CLCN4: variants seen among roughly 807,000 people sequenced by gnomAD.
CLCN4 encodes H(+)/Cl(-) exchange transporter 4.
Under a neutral mutation model 41.7 loss-of-function variants are expected in CLCN4, and 1 was observed. The ratio of observed to expected loss-of-function variants is 0.02; its 90% CI spans 0.01 to 0.11. CLCN4 has a LOEUF of 0.11. Ranked by LOEUF, CLCN4 falls within the 10% of genes least tolerant of loss-of-function variation. The pLI is 1.00. For synonymous variants in CLCN4, 277 were observed against 285.8 expected, an observed-to-expected ratio of 0.97 and a Z score of 0.31; for missense variants, 287 against 661.0, an observed-to-expected ratio of 0.43 and a Z score of 6.20.
In CLCN4 at chrX:10,206,614, C is replaced by G. The variant is rs756075206; in HGVS notation, c.762+50C>G. ...CAGCGAAACTTTCTTCTCAAAGCCC[C>G]CTCCTGCTGTCTGACTTGCAGGTTT... On this transcript the variant is annotated intron_variant, in intron 7 of 12. Coordinates refer to ENST00000380833, the MANE Select transcript of CLCN4 (RefSeq NM_001830.4). The G allele has an allele frequency of 3.9e-4, 467 of 1,190,810 alleles. 1 individual carries two copies. The highest frequency in any genetic ancestry group is 5.3e-4 in the Non-Finnish European group (463 of 877,596).
intron 12 of CLCN4, among the ~76,000 whole-genome samples, chrX:10,223,464 A>T (rs890440529): frequency 1.2e-4 from 13 of 111,678 alleles, no homozygotes; most frequent in Non-Finnish European, 3.8e-5. Flanking sequence ...ACAAACACAG[A>T]TGCTGCTGCG....
chrX:10,159,190 A>G (rs2147154483), intron 2 of CLCN4, among the ~76,000 whole-genome samples: 1 of 112,485 alleles, frequency 8.9e-6, no homozygotes, highest in African/African-American at 3.2e-5. Context: ...ATCCAATACA[A>G]TAAAAATAAA....
chrX:10,211,945 C>T (rs1420635571), intron 9 of CLCN4, among the ~76,000 whole-genome samples: 2 of 111,797 alleles, frequency 1.8e-5, no homozygotes. Flanking sequence ...TATTCAGCTA[C>T]CACCTACTAG....
intron 4 of CLCN4, among the ~76,000 whole-genome samples, chrX:10,193,615 G>A (rs1924023836): frequency 8.9e-6 from 1 of 111,870 alleles, no homozygotes; most frequent in Non-Finnish European, 1.9e-5. Flanking sequence ...TGGAACTGGG[G>A]TCAGCAAACT....
intron 2 of CLCN4, among the ~76,000 whole-genome samples, chrX:10,180,767 C>CAAAAAAAAAAAAAAA (rs869040200): frequency 2.4e-4 from 6 of 25,042 alleles, no homozygotes; most frequent in East Asian, 2.0e-3. Context: ...AACTCCATCT[C>CAAAAAAAAAAAAAAA]AAAAAAAAAA....
intron 2 of CLCN4, among the ~76,000 whole-genome samples, chrX:10,175,344 T>A (rs1923491279): frequency 9.0e-6 from 1 of 111,022 alleles, no homozygotes; most frequent in Non-Finnish European, 1.9e-5. Flanking sequence ...GAAGCATTCC[T>A]CATACAGGCT....
intron 11 of CLCN4, among the ~76,000 whole-genome samples, chrX:10,216,665 G>A (rs1924715051): frequency 9.3e-6 from 1 of 107,964 alleles, no homozygotes; most frequent in African/African-American, 3.4e-5. Context: ...TACTTTCAAT[G>A]GCAAGAACCG....
intron 6 of CLCN4, among the ~76,000 whole-genome samples, chrX:10,202,675 G>C (rs1397620016): frequency 2.2e-5 from 2 of 89,617 alleles, no homozygotes; most frequent in Admixed American, 1.3e-4. Flanking sequence ...AAAAAAGAGT[G>C]AATACTCAGC....
rs184969358 is a variant in CLCN4, at chrX:10,184,194, C to G, written c.-11-828C>G. On this transcript the variant is annotated intron_variant, in intron 2 of 12. Coordinates refer to ENST00000380833, the MANE Select transcript of CLCN4 (RefSeq NM_001830.4). ...TTTCATTTAAACCCTATTTGCCCCTCCAGCCCTGTCATTTGGACACCTTGC... is the reference window on the plus strand; with the variant it reads ...TTTCATTTAAACCCTATTTGCCCCTGCAGCCCTGTCATTTGGACACCTTGC... Among the ~76,000 whole-genome samples the G allele has an allele frequency of 7.6e-4, 86 of 112,486 alleles. 1 individual carries two copies. Among genetic ancestry groups the G allele is most frequent in the African/African-American group, 2.7e-3 (84 of 30,976 alleles).
Position 10,213,996 on chromosome X carries a change from A to G in CLCN4, c.1892A>G (p.Tyr631Cys). Reference protein sequence around the residue: ...DVETLIKETDYNGFPVVVSRD... With the variant: ...DVETLIKETDCNGFPVVVSRD... ...GAGACGCTCATCAAGGAGACCGACTACAACGGCTTCCCCGTGGTGGTCTCC... is the reference window on the plus strand; with the variant it reads ...GAGACGCTCATCAAGGAGACCGACTGCAACGGCTTCCCCGTGGTGGTCTCC... Residue 631 changes from tyrosine to cysteine, a missense_variant, in exon 11 of 13, where the codon TAC (tyrosine) becomes TGC (cysteine). Physicochemically the swap from Tyr to Cys is radical, Grantham distance 194. Coordinates refer to ENST00000380833, the MANE Select transcript of CLCN4 (RefSeq NM_001830.4). 1 of 1,210,571 alleles carries G rather than the reference A, an allele frequency of 8.3e-7. No homozygotes were observed.
intron 2 of CLCN4, among the ~76,000 whole-genome samples, chrX:10,160,294 T>G (rs1923058919): frequency 8.9e-6 from 1 of 111,887 alleles, no homozygotes; most frequent in Non-Finnish European, 1.9e-5. Context: ...TTTCTTAATA[T>G]CACATATATT....
At chrX:10,218,204 ACACT>A (rs1426509182) in intron 11 of CLCN4, among the ~76,000 whole-genome samples, 2 of 112,618 alleles carry the variant, frequency 1.8e-5, no homozygotes, top group African/African-American at 6.5e-5. Flanking sequence ...AAAGTAATAC[ACACT>A]CCAAATATTG....
In CLCN4 at chrX:10,212,696, T is replaced by C. The variant is rs188674115; in HGVS notation, c.1576+43T>C. 1.8e-5 allele frequency: 20 copies of C among 1,125,406 alleles called. No homozygotes were observed. In the East Asian group the frequency reaches 6.1e-4, roughly 35 times the overall value. 92.7% of individuals were successfully genotyped at this position (1,125,406 alleles called of 1,213,427 possible). A position where few individuals can be genotyped will look rare whatever the true frequency, so the allele number is the denominator to read the frequency against. On this transcript the variant is annotated intron_variant, in intron 10 of 12. Coordinates refer to ENST00000380833, the MANE Select transcript of CLCN4 (RefSeq NM_001830.4). ...GCAGGGAGGGGGACCGGGGAACTAA[T>C]CTGGCTTAGAGGACTGCCAAGAAGG...
rs906298438 is a variant in CLCN4, at chrX:10,233,992, G to A, written c.*408G>A. 6.8e-5 allele frequency: 8 copies of A among 117,293 alleles called. No individual in the cohort carries two copies. Among genetic ancestry groups the A allele is most frequent in the South Asian group, 3.6e-4 (1 of 2,790 alleles). 9.7% of individuals were successfully genotyped at this position (117,293 alleles called of 1,213,427 possible). ...TGAGTCCAAAAGACAAAGGGGCATC[G>A]GCATGTCAGCGTCCTTATTTATTGG... On this transcript the variant is annotated 3_prime_UTR_variant, in exon 13 of 13. Transcript: ENST00000380833.
chrX:10,194,765 T>C, intron 4 of CLCN4, 146 bp from the exon 5 acceptor site: 2 of 506,426 alleles, frequency 3.9e-6, no homozygotes, highest in Non-Finnish European at 6.7e-6. Flanking sequence ...GCTTCCTATG[T>C]AAGTGACAGC....
intron 2 of CLCN4, among the ~76,000 whole-genome samples, chrX:10,172,643 TTGTG>T (rs959965833): frequency 2.0e-5 from 2 of 101,495 alleles, no homozygotes; most frequent in African/African-American, 3.7e-5. Flanking sequence ...GTGTGTGTGT[TTGTG>T]TGTGTGTGTG....
At chrX:10,184,215 C>T (rs2147167026) in intron 2 of CLCN4, among the ~76,000 whole-genome samples, 1 of 112,365 alleles carries the variant, frequency 8.9e-6, no homozygotes, top group Non-Finnish European at 1.9e-5. Context: ...ATTTGGACAC[C>T]TTGCTTTTGC....
At chrX:10,214,890 C>T (rs1381123288) in intron 11 of CLCN4, among the ~76,000 whole-genome samples, 1 of 111,343 alleles carries the variant, frequency 9.0e-6, no homozygotes, top group Non-Finnish European at 1.9e-5. Flanking sequence ...CCTAGGGCTG[C>T]GGGCTGAGGG....
chrX:10,211,923 C>G (rs906871463), intron 9 of CLCN4, among the ~76,000 whole-genome samples: 2 of 111,797 alleles, frequency 1.8e-5, no homozygotes, highest in East Asian at 5.6e-4. Context: ...TCCCTCGTCT[C>G]TCTCTGACAG....
Sources: gnomAD v4.1 joint callset for allele counts (sites outside exome capture counted in the v4.1 genomes callset) on GRCh38, gnomAD v4.1.1 for gene constraint, MANE v1.5 for transcripts, NCBI Gene and HGNC (gene_info 2026-07-23, HGNC 2026-07-21) for gene names.